The following SCHIP1 variants were observed in gnomAD, a reference collection of about 807,000 sequenced individuals.
The protein encoded by SCHIP1 is schwannomin interacting protein 1.
SCHIP1 carries 8 observed loss-of-function variants against 29.7 expected under a neutral mutation model. That is an observed-to-expected ratio of 0.27 (90% CI 0.16 to 0.49). SCHIP1 has a LOEUF of 0.49. Among genes scored for constraint, SCHIP1 ranks in the 20% least tolerant of loss-of-function variants. The pLI, the probability that SCHIP1 is intolerant of heterozygous loss-of-function variation, is 0.99. For synonymous variants in SCHIP1, 76 were observed against 94.9 expected, an observed-to-expected ratio of 0.80 and a Z score of 1.16; for missense variants, 193 against 294.6, an observed-to-expected ratio of 0.66 and a Z score of 2.52.
At chr3:159,897,010 C>T (rs1357967642) in exon 7 of SCHIP1, 44 of 356,906 alleles carry the variant, frequency 1.2e-4, no homozygotes, top group Non-Finnish European at 5.0e-6. Context: ...AGTACTGACA[C>T]CACCACAAAT....
the SCHIP1 span, among the ~76,000 whole-genome samples, chr3:159,653,976 A>G: frequency 2.0e-5 from 3 of 152,222 alleles, no homozygotes; most frequent in Admixed American, 6.5e-5. Context: ...TTAAGAGTCT[A>G]GTCTCAGATT....
the SCHIP1 span, among the ~76,000 whole-genome samples, chr3:159,331,422 G>A: frequency 6.6e-6 from 1 of 152,298 alleles, no homozygotes; most frequent in Middle Eastern, 3.4e-3. Flanking sequence ...TGTATGTACT[G>A]ACAAGGTGAG....
the SCHIP1 span, among the ~76,000 whole-genome samples, chr3:159,320,607 CTT>C: frequency 8.8e-4 from 133 of 150,376 alleles, no homozygotes; most frequent in African/African-American, 3.0e-3. Context: ...TGGTAAGTTC[CTT>C]TTTTTTTTCC....
the SCHIP1 span, among the ~76,000 whole-genome samples, chr3:159,675,727 A>T: frequency 1.3e-5 from 2 of 152,236 alleles, no homozygotes; most frequent in South Asian, 4.1e-4. Context: ...TGAAAGTAAA[A>T]ATCCCTCCTA....
At chr3:159,583,365 A>C in the SCHIP1 span, among the ~76,000 whole-genome samples, 1 of 152,168 alleles carries the variant, frequency 6.6e-6, no homozygotes, top group African/African-American at 2.4e-5. Flanking sequence ...CAATTTATTA[A>C]ATATTGCTTT....
the SCHIP1 span, among the ~76,000 whole-genome samples, chr3:159,352,190 T>C: frequency 6.6e-6 from 1 of 152,148 alleles, no homozygotes; most frequent in Non-Finnish European, 1.5e-5. Flanking sequence ...TAATATGTTT[T>C]GGGGCATACC....
At chr3:159,533,743 C>T in the SCHIP1 span, among the ~76,000 whole-genome samples, 1 of 152,266 alleles carries the variant, frequency 6.6e-6, no homozygotes, top group South Asian at 2.1e-4. Context: ...GGATTCTTAA[C>T]CCTGCAGTTC....
At chr3:159,368,780 A>G in the SCHIP1 span, among the ~76,000 whole-genome samples, 3 of 152,216 alleles carry the variant, frequency 2.0e-5, no homozygotes, top group African/African-American at 4.8e-5. Flanking sequence ...TAGGTCCAGT[A>G]GGGCTTGAGG....
chr3:159,546,071 T>C, the SCHIP1 span, among the ~76,000 whole-genome samples: 1 of 152,146 alleles, frequency 6.6e-6, no homozygotes, highest in Non-Finnish European at 1.5e-5. Flanking sequence ...GTTCATTGCA[T>C]ATATGTTTGT....
At chr3:159,295,241 T>C in the SCHIP1 span, among the ~76,000 whole-genome samples, 1 of 133,720 alleles carries the variant, frequency 7.5e-6, no homozygotes, top group Admixed American at 7.7e-5. Context: ...TATGGTGAAA[T>C]TCTATCTCTA....
the SCHIP1 span, among the ~76,000 whole-genome samples, chr3:159,746,141 T>C: frequency 6.6e-6 from 1 of 152,222 alleles, no homozygotes; most frequent in Non-Finnish European, 1.5e-5. Flanking sequence ...AAATTATTTT[T>C]AGAAAAGCAA....
the SCHIP1 span, among the ~76,000 whole-genome samples, chr3:159,712,868 GAAAGAAAGGCAGGCCAGGC>G: frequency 2.0e-5 from 3 of 151,122 alleles, no homozygotes; most frequent in East Asian, 6.0e-4. Flanking sequence ...AAGAGAGAGA[GAAAGAAAGGCAGGCCAGGC>G]ACGGTGGCTC....
At chr3:159,687,522 C>T in the SCHIP1 span, among the ~76,000 whole-genome samples, 4 of 152,070 alleles carry the variant, frequency 2.6e-5, no homozygotes, top group Admixed American at 6.6e-5. Context: ...AATAACCTCC[C>T]CCACCCCACA....
chr3:159,499,156 TA>T, the SCHIP1 span, among the ~76,000 whole-genome samples: 1 of 152,236 alleles, frequency 6.6e-6, no homozygotes, highest in Non-Finnish European at 1.5e-5. Context: ...CTGCATTGGT[TA>T]AACTCATAGT....
At chr3:159,338,225 G>A in the SCHIP1 span, among the ~76,000 whole-genome samples, 2 of 152,154 alleles carry the variant, frequency 1.3e-5, no homozygotes, top group African/African-American at 4.8e-5. Flanking sequence ...AATGCAAAGT[G>A]TTATAAACAA....
intron 1 of SCHIP1, among the ~76,000 whole-genome samples, chr3:159,850,505 G>A (rs924002500): frequency 1.5e-5 from 2 of 132,522 alleles, no homozygotes; most frequent in Non-Finnish European, 3.1e-5. Context: ...AGTGAGCCAA[G>A]ATTGTGCCAC....
the SCHIP1 span, among the ~76,000 whole-genome samples, chr3:159,351,257 A>G: frequency 6.6e-6 from 1 of 152,184 alleles, no homozygotes; most frequent in Non-Finnish European, 1.5e-5. Context: ...GTCCCAGTAT[A>G]TCAGCTGTGC....
the SCHIP1 span, among the ~76,000 whole-genome samples, chr3:159,775,890 T>G: frequency 6.6e-6 from 1 of 152,192 alleles, no homozygotes; most frequent in African/African-American, 2.4e-5. Context: ...TCCGGCAGTG[T>G]TGTAAATTTA....
the SCHIP1 span, among the ~76,000 whole-genome samples, chr3:159,364,185 A>G: frequency 2.0e-5 from 3 of 152,226 alleles, no homozygotes; most frequent in Non-Finnish European, 4.4e-5. Context: ...CAAGATAAGA[A>G]CTGCGTATTA....
Sources: allele counts gnomAD v4.1 joint callset (sites outside exome capture counted in the v4.1 genomes callset), GRCh38; gene constraint gnomAD v4.1.1; transcripts MANE v1.5; gene names NCBI Gene and HGNC (gene_info 2026-07-23, HGNC 2026-07-21).